The following KANSL1 variants were observed in gnomAD, a reference collection of about 807,000 sequenced individuals.
KANSL1 encodes the protein MLL1/MLL complex subunit KANSL1.
Under a neutral mutation model 103.6 loss-of-function variants are expected in KANSL1, and 22 were observed. The observed-to-expected ratio is 0.21, with a 90% CI of 0.15 to 0.30. KANSL1 has a LOEUF of 0.30. Ranked by LOEUF, KANSL1 falls within the 10% of genes least tolerant of loss-of-function variation. The probability of loss-of-function intolerance (pLI) is 1.00; values close to 1 mark genes in which losing one functional copy is unlikely to be tolerated. For missense variants in KANSL1, 1,337 were observed against 1,399.8 expected, an observed-to-expected ratio of 0.96 and a Z score of 0.72; for synonymous variants, 600 against 527.6, an observed-to-expected ratio of 1.14 and a Z score of -1.88.
At chr17:46,215,562 T>C (rs2048314578) in intron 1 of KANSL1, among the ~76,000 whole-genome samples, 1 of 152,058 alleles carries the variant, frequency 6.6e-6, no homozygotes, top group Non-Finnish European at 1.5e-5. Flanking sequence ...AAAGGAGAAG[T>C]AGGATGACTA....
chr17:46,053,776 T>C (rs575647361), intron 6 of KANSL1, among the ~76,000 whole-genome samples: 6 of 152,094 alleles, frequency 3.9e-5, no homozygotes, highest in East Asian at 1.9e-4. Context: ...TTTTGGAAAA[T>C]TTTTGAAAGA....
chr17:46,205,722 A>C (rs961735343), intron 1 of KANSL1, among the ~76,000 whole-genome samples: 1 of 151,952 alleles, frequency 6.6e-6, no homozygotes, highest in Admixed American at 6.6e-5. Context: ...ATTTAACAAA[A>C]GCAGTGACAA....
At chr17:46,084,697 TAAAAAAAAAAAAAA>T (rs67108405) in intron 3 of KANSL1, among the ~76,000 whole-genome samples, 6 of 74,488 alleles carry the variant, frequency 8.1e-5, no homozygotes, top group Admixed American at 5.1e-4. Context: ...TTTTAAAAAT[TAAAAAAAAAAAAAA>T]AAAAAAAAAA....
intron 4 of KANSL1, among the ~76,000 whole-genome samples, chr17:46,070,208 G>C (rs55947022): frequency 6.6e-6 from 1 of 151,974 alleles, no homozygotes; most frequent in Admixed American, 6.5e-5. Flanking sequence ...TCTAAATGTT[G>C]TAAGCATTAT....
At chr17:46,207,790 C>T (rs1420391782) in intron 1 of KANSL1, among the ~76,000 whole-genome samples, 1 of 152,106 alleles carries the variant, frequency 6.6e-6, no homozygotes, top group African/African-American at 2.4e-5. Context: ...CCAGCCTGGG[C>T]AACATGGTAA....
chr17:46,096,225 T>C (rs527556315), intron 2 of KANSL1, among the ~76,000 whole-genome samples: 1 of 150,442 alleles, frequency 6.6e-6, no homozygotes, highest in South Asian at 2.1e-4. Flanking sequence ...CACTGTAACC[T>C]AGAGTTCCTT....
At chr17:46,036,978 G>A (rs753385067) in intron 10 of KANSL1, among the ~76,000 whole-genome samples, 40 of 152,170 alleles carry the variant, frequency 2.6e-4, no homozygotes, top group Non-Finnish European at 4.6e-4. Context: ...GCCTCCCCAA[G>A]TGCTGGGATT....
intron 1 of KANSL1, among the ~76,000 whole-genome samples, chr17:46,182,110 C>A (rs1026832377): frequency 6.6e-6 from 1 of 152,192 alleles, no homozygotes; most frequent in Admixed American, 6.5e-5. Context: ...AGCGTGCTAA[C>A]TTTATCGAGA....
At chr17:46,047,522 T>C (rs895253875) in intron 7 of KANSL1, among the ~76,000 whole-genome samples, 1 of 152,136 alleles carries the variant, frequency 6.6e-6, no homozygotes, top group African/African-American at 2.4e-5. Flanking sequence ...CGTGGTGGTT[T>C]ACACCTGTAA....
At chr17:46,104,566 G>A (rs1436562686) in intron 2 of KANSL1, among the ~76,000 whole-genome samples, 2 of 152,210 alleles carry the variant, frequency 1.3e-5, no homozygotes, top group Non-Finnish European at 2.9e-5. Context: ...AATGATGTCT[G>A]TGCACATGTA....
chr17:46,198,633 G>A (rs1435058410), upstream of KANSL1, among the ~76,000 whole-genome samples: 3 of 152,174 alleles, frequency 2.0e-5, no homozygotes, highest in Non-Finnish European at 4.4e-5. Context: ...TTGGGAGGCT[G>A]AGGCAGGAGA....
At chr17:46,059,643 AAAAAAGAG>A (rs1555522275) in intron 6 of KANSL1, among the ~76,000 whole-genome samples, 16,533 of 46,914 alleles carry the variant, frequency 0.35, 1,285 homozygotes, top group Non-Finnish European at 0.46. Flanking sequence ...AAAAAAAAAA[AAAAAAGAG>A]AGAGAGAGAG....
chr17:46,055,557 G>C (rs1238409987), intron 6 of KANSL1, among the ~76,000 whole-genome samples: 1 of 151,582 alleles, frequency 6.6e-6, no homozygotes, highest in African/African-American at 2.4e-5. Context: ...TAAGCACAAA[G>C]CTTAAAGATA....
At chr17:46,124,088 T>C (rs2043405050) in intron 2 of KANSL1, among the ~76,000 whole-genome samples, 1 of 152,112 alleles carries the variant, frequency 6.6e-6, no homozygotes, top group Admixed American at 6.5e-5. Context: ...ATTCTGAAAA[T>C]CTAAGGCCCT....
chr17:46,118,033 T>G (rs1448125197), intron 2 of KANSL1, among the ~76,000 whole-genome samples: 1 of 152,240 alleles, frequency 6.6e-6, no homozygotes, highest in Non-Finnish European at 1.5e-5. Flanking sequence ...GCCTTAAAAC[T>G]GTCATTATCC....
upstream of KANSL1, among the ~76,000 whole-genome samples, chr17:46,197,348 T>A (rs534949788): frequency 2.0e-5 from 3 of 152,166 alleles, no homozygotes; most frequent in South Asian, 6.2e-4. Context: ...TCACTTCACT[T>A]GACAATAATG....
In KANSL1 at chr17:46,144,030, A is replaced by G. The variant is rs578131228; in HGVS notation, c.1289+26825T>C. Among the ~76,000 whole-genome samples, 185 of 152,336 alleles carry G rather than the reference A, an allele frequency of 1.2e-3. 2 individuals carry two copies. The highest frequency in any genetic ancestry group is 4.1e-3 in the African/African-American group (172 of 41,560). On this transcript the variant is annotated intron_variant, in intron 2 of 14. Coordinates refer to ENST00000432791, the MANE Select transcript of KANSL1 (RefSeq NM_015443.4). Reference sequence around the variant, plus strand: ...CAACAGACCAAGTAACAGCAGAGGTAAAACAAGTTTCACATGTCTGTGGCT... The same window carrying G: ...CAACAGACCAAGTAACAGCAGAGGTGAAACAAGTTTCACATGTCTGTGGCT...
intron 6 of KANSL1, among the ~76,000 whole-genome samples, chr17:46,066,074 T>C (rs2078364905): frequency 6.6e-6 from 1 of 152,142 alleles, no homozygotes; most frequent in Non-Finnish European, 1.5e-5. Context: ...TCCAGGCTGG[T>C]ATTCAATTCC....
intron 2 of KANSL1, among the ~76,000 whole-genome samples, chr17:46,161,609 A>AAG (rs1191403675): frequency 6.6e-6 from 1 of 152,210 alleles, no homozygotes; most frequent in African/African-American, 2.4e-5. Context: ...ATAGCAATTA[A>AAG]AGGGAGAGCA....
Sources: allele counts gnomAD v4.1 joint callset (sites outside exome capture counted in the v4.1 genomes callset), GRCh38; gene constraint gnomAD v4.1.1; transcripts MANE v1.5; gene names NCBI Gene and HGNC (gene_info 2026-07-23, HGNC 2026-07-21).